TAS2R1: variants seen among roughly 807,000 people sequenced by gnomAD.
TAS2R1 encodes taste 2 receptor member 1.
For missense variants in TAS2R1, 370 were observed against 353.4 expected, an observed-to-expected ratio of 1.05 and a Z score of -0.38; for synonymous variants, 141 against 134.2, an observed-to-expected ratio of 1.05 and a Z score of -0.35.
chr5:9,890,354 C>T, the TAS2R1 span, among the ~76,000 whole-genome samples: 4 of 152,178 alleles, frequency 2.6e-5, no homozygotes, highest in African/African-American at 9.7e-5. Context: ...TAACACTTAA[C>T]CCTGATATTC....
At chr5:9,675,552 G>A (rs1740859044) in intron 1 of TAS2R1, among the ~76,000 whole-genome samples, 2 of 151,620 alleles carry the variant, frequency 1.3e-5, no homozygotes, top group Admixed American at 6.6e-5. Flanking sequence ...GAGTAGCTGG[G>A]ACCACAGGTG....
chr5:9,810,022 A>T, the TAS2R1 span, among the ~76,000 whole-genome samples: 3 of 152,100 alleles, frequency 2.0e-5, no homozygotes, highest in Non-Finnish European at 2.9e-5. Flanking sequence ...TCTTACACTC[A>T]TTCTTTTATT....
At chr5:9,897,657 G>C in the TAS2R1 span, among the ~76,000 whole-genome samples, 2 of 152,136 alleles carry the variant, frequency 1.3e-5, no homozygotes, top group Non-Finnish European at 2.9e-5. Flanking sequence ...ACTTTTATGA[G>C]ATCATACATT....
intron 2 of TAS2R1, among the ~76,000 whole-genome samples, chr5:9,646,858 T>C (rs1740199005): frequency 6.6e-6 from 1 of 152,168 alleles, no homozygotes; most frequent in Non-Finnish European, 1.5e-5. Context: ...TGGGTAAAGA[T>C]AGGGATGCTC....
chr5:9,666,873 T>C (rs1348517068), intron 1 of TAS2R1, among the ~76,000 whole-genome samples: 6 of 152,264 alleles, frequency 3.9e-5, no homozygotes, highest in East Asian at 3.9e-4. Flanking sequence ...TAAAATGATA[T>C]GTGGTTTAAA....
At position 9,629,234 on chromosome 5, in the gene TAS2R1, C is replaced by A; in HGVS notation, c.799G>T (p.Gly267Cys). 1 of 1,613,572 alleles carries A rather than the reference C, an allele frequency of 6.2e-7. No individual in the cohort carries two copies. The highest frequency in any genetic ancestry group is 1.3e-5 in the African/African-American group (1 of 74,954). ...AGAGAGTGTCCAGAAGGGTATATAC[C>A]AATCACAAGGATGAAGAACAGAAAG... ...FIFLFFILVIGIYPSGHSLIL... is the reference protein window; with the variant it reads ...FIFLFFILVICIYPSGHSLIL... Residue 267 changes from glycine to cysteine, a missense_variant, in exon 1 of 1, where the codon GGT (glycine) becomes TGT (cysteine). By Grantham distance (159) the Gly-to-Cys change is radical. Transcript: ENST00000382492.
chr5:9,745,137 C>A, the TAS2R1 span, among the ~76,000 whole-genome samples: 1 of 152,098 alleles, frequency 6.6e-6, no homozygotes, highest in Non-Finnish European at 1.5e-5. Flanking sequence ...GCAAGGGATG[C>A]AGTGGCCTGG....
chr5:9,887,930 T>C, the TAS2R1 span, among the ~76,000 whole-genome samples: 1 of 151,288 alleles, frequency 6.6e-6, no homozygotes, highest in Admixed American at 6.6e-5. Context: ...AGGTGGGGAG[T>C]AGGCAGGACA....
the TAS2R1 span, among the ~76,000 whole-genome samples, chr5:9,819,194 T>C: frequency 6.6e-6 from 1 of 152,166 alleles, no homozygotes; most frequent in African/African-American, 2.4e-5. Context: ...CTGAGAGAGA[T>C]CTAGGGATGG....
Position 9,628,739 on chromosome 5 carries a change from G to C in TAS2R1, c.*394C>G, listed in dbSNP as rs992082355. ...CCATACAGCATTCATGTGTCCTTCT[G>C]ACATCACGAGTTCAAACAAGTGCTT... is the stretch of plus-strand genomic sequence containing the variant. On this transcript the variant is annotated 3_prime_UTR_variant, in exon 1 of 1. Coordinates refer to ENST00000382492, the MANE Select transcript of TAS2R1 (RefSeq NM_019599.3). Among the ~76,000 whole-genome samples, 9 of 152,198 alleles carry C rather than the reference G, an allele frequency of 5.9e-5. No individual in the cohort carries two copies. Among genetic ancestry groups the C allele is most frequent in the Admixed American group, 5.9e-4 (9 of 15,278 alleles).
intron 1 of TAS2R1, among the ~76,000 whole-genome samples, chr5:9,709,076 T>G (rs1379348434): frequency 1.3e-5 from 2 of 151,872 alleles, no homozygotes; most frequent in Non-Finnish European, 2.9e-5. Flanking sequence ...CTAATGCATG[T>G]GGGGCTTAAA....
chr5:9,859,399 C>T, the TAS2R1 span, among the ~76,000 whole-genome samples: 1 of 152,246 alleles, frequency 6.6e-6, no homozygotes, highest in Non-Finnish European at 1.5e-5. Context: ...CTTCCATTTA[C>T]AAACCACACT....
intron 2 of TAS2R1, among the ~76,000 whole-genome samples, chr5:9,638,358 G>A (rs777475752): frequency 9.9e-5 from 15 of 152,202 alleles, no homozygotes; most frequent in Non-Finnish European, 1.8e-4. Flanking sequence ...CTCTGTGAGA[G>A]CCCTTGATTG....
chr5:9,733,399 C>T, the TAS2R1 span, among the ~76,000 whole-genome samples: 1 of 152,208 alleles, frequency 6.6e-6, no homozygotes, highest in African/African-American at 2.4e-5. Context: ...TACAGGAAAA[C>T]TTTGTTGAGC....
chr5:9,798,569 G>T, the TAS2R1 span, among the ~76,000 whole-genome samples: 32 of 152,092 alleles, frequency 2.1e-4, no homozygotes, highest in African/African-American at 7.5e-4. Context: ...TTTCCTCCTG[G>T]ACTCAGTTTC....
chr5:9,694,444 A>T (rs1034646603), intron 1 of TAS2R1, among the ~76,000 whole-genome samples: 2 of 152,158 alleles, frequency 1.3e-5, no homozygotes, highest in African/African-American at 4.8e-5. Context: ...AGAATAAGAA[A>T]ATGGGATTTT....
At chr5:9,730,122 T>C in the TAS2R1 span, among the ~76,000 whole-genome samples, 1 of 152,366 alleles carries the variant, frequency 6.6e-6, no homozygotes, top group Non-Finnish European at 1.5e-5. Context: ...TGCATTCTTA[T>C]GCATATATCT....
At chr5:9,765,912 G>C in the TAS2R1 span, among the ~76,000 whole-genome samples, 1 of 152,172 alleles carries the variant, frequency 6.6e-6, no homozygotes, top group Non-Finnish European at 1.5e-5. Flanking sequence ...TGTGCATATA[G>C]GTGGCCTAAG....
At chr5:9,706,460 T>C (rs1259987699) in intron 1 of TAS2R1, among the ~76,000 whole-genome samples, 5 of 152,270 alleles carry the variant, frequency 3.3e-5, no homozygotes, top group African/African-American at 4.8e-5. Flanking sequence ...GCGTCATTCA[T>C]GGTTCCAGGT....
Sources: gnomAD v4.1 joint callset for allele counts (sites outside exome capture counted in the v4.1 genomes callset) on GRCh38, gnomAD v4.1.1 for gene constraint, MANE v1.5 for transcripts, NCBI Gene and HGNC (gene_info 2026-07-23, HGNC 2026-07-21) for gene names.